The following FZD1 variants were observed in gnomAD, a reference collection of about 807,000 sequenced individuals.
FZD1 encodes the protein frizzled-1.
FZD1 carries 22 observed loss-of-function variants against 48.0 expected under a neutral mutation model. The observed-to-expected ratio is 0.46, with a 90% CI of 0.33 to 0.65. The LOEUF (loss-of-function observed/expected upper bound fraction) is 0.65. Among genes scored for constraint, FZD1 ranks in the 30% least tolerant of loss-of-function variants. The pLI is 0.02. For missense variants in FZD1, 843 were observed against 898.1 expected, an observed-to-expected ratio of 0.94 and a Z score of 0.78; for synonymous variants, 486 against 409.6, an observed-to-expected ratio of 1.19 and a Z score of -2.25.
Position 91,264,530 on chromosome 7 carries a change from G to A in FZD1, c.-351G>A, listed in dbSNP as rs1803832430. 1 of 338,562 alleles carries A rather than the reference G, an allele frequency of 3.0e-6. No individual in the cohort carries two copies. Among genetic ancestry groups the A allele is most frequent in the Non-Finnish European group, 5.4e-6 (1 of 186,726 alleles). 21.0% of individuals were successfully genotyped at this position (338,562 alleles called of 1,614,324 possible). A position where few individuals can be genotyped will look rare whatever the true frequency, so the allele number is the denominator to read the frequency against. On this transcript the variant is annotated 5_prime_UTR_variant, in exon 1 of 1. Transcript: ENST00000287934. ...CGGAGAAGGAGGCGGAGGCGCAGGG[G>A]GGAGCCGAGCCCGCTGGGCTGCGGA...
In FZD1 at chr7:91,266,651, C is replaced by T. The variant is rs779211016; in HGVS notation, c.1771C>T (p.Pro591Ser). The change falls in exon 1 of 1, where the codon CCG becomes TCG. Residue 591 changes from proline (P) to serine (S), a missense_variant. Physicochemically the swap from Pro to Ser is moderately conservative, Grantham distance 74 (BLOSUM62 -1). Coordinates refer to ENST00000287934, the MANE Select transcript of FZD1 (RefSeq NM_003505.2). The surrounding 1 kb of genome is among the most constrained non-coding windows in gnomAD (Gnocchi z 6.8). ...TCACCTCCAGGCGGGCGGAGGCGCC[C>T]CGCCGCACCCGCCCATGAGCCCGGA... is the stretch of plus-strand genomic sequence containing the variant. ...CPHLQAGGGAPPHPPMSPDFT... is the reference protein window; with the variant it reads ...CPHLQAGGGASPHPPMSPDFT... 2.5e-6 allele frequency: 4 copies of T among 1,612,826 alleles called. No individual in the cohort carries two copies. The highest frequency in any genetic ancestry group is 3.4e-6 in the Non-Finnish European group (4 of 1,179,772).
At position 91,266,009 on chromosome 7, in the gene FZD1, G is replaced by C. The variant is rs143614174; in HGVS notation, c.1129G>C (p.Asp377His). ...VAYIAGFLLE[D>H]RVVCNDKFAE... ...CTACATCGCCGGCTTCCTCCTGGAA[G>C]ACCGAGTGGTGTGTAATGACAAGTT... is the stretch of plus-strand genomic sequence containing the variant. Residue 377 changes from aspartate (D) to histidine (H), a missense_variant, in exon 1 of 1, where the codon GAC becomes CAC. Asp to His is a moderately conservative substitution (Grantham distance 81, BLOSUM62 -1). Around this residue, in one of 2 missense-constraint regions of FZD1, gnomAD observed 353 missense variants for 431.6 expected, o/e 0.82. Transcript: ENST00000287934. The surrounding 1 kb of genome is among the most constrained non-coding windows in gnomAD (Gnocchi z 6.8). The C allele has an allele frequency of 1.2e-6, 2 of 1,614,188 alleles. No individual in the cohort carries two copies. The highest frequency in any genetic ancestry group is 1.7e-5 in the Admixed American group (1 of 60,038).
At position 91,266,929 on chromosome 7, in the gene FZD1, C is replaced by A; in HGVS notation, c.*105C>A. 1.4e-6 allele frequency: 1 copy of A among 739,326 alleles called. No homozygotes were observed. Among genetic ancestry groups the A allele is most frequent in the Non-Finnish European group, 2.3e-6 (1 of 431,614 alleles). The allele number at this position is 739,326 out of a possible 1,614,324, so 45.8% of individuals were successfully genotyped here. A position where few individuals can be genotyped will look rare whatever the true frequency, so the allele number is the denominator to read the frequency against. On this transcript the variant is annotated 3_prime_UTR_variant, in exon 1 of 1. Transcript: ENST00000287934. The surrounding 1 kb of genome is among the most constrained non-coding windows in gnomAD (Gnocchi z 6.8). ...ATCCTGACATCTCGAGGTTTCCTCACTAGACAACTCTCTTTCGCAGGCTCC... is the reference window on the plus strand; with the variant it reads ...ATCCTGACATCTCGAGGTTTCCTCAATAGACAACTCTCTTTCGCAGGCTCC...
In FZD1 at chr7:91,270,686, T is replaced by A. The variant is rs1803954981; in HGVS notation, c.*3862T>A. On this transcript the variant is annotated 3_prime_UTR_variant, in exon 1 of 1. Coordinates refer to ENST00000287934, the MANE Select transcript of FZD1 (RefSeq NM_003505.2). ...GCATATTTACTGTGTGTGCTTTTGCTTTCTAATCCATCTATTGACTATTGG... is the reference window on the plus strand; with the variant it reads ...GCATATTTACTGTGTGTGCTTTTGCATTCTAATCCATCTATTGACTATTGG... 1 of 165,920 alleles carries A rather than the reference T, an allele frequency of 6.0e-6. No homozygotes were observed. The highest frequency in any genetic ancestry group is 1.5e-5 in the Non-Finnish European group (1 of 68,122). 10.3% of individuals were successfully genotyped at this position (165,920 alleles called of 1,614,324 possible). A position where few individuals can be genotyped will look rare whatever the true frequency, so the allele number is the denominator to read the frequency against.
Position 91,265,382 on chromosome 7 carries a change from T to A in FZD1, c.502T>A (p.Phe168Ile). 2 of 1,613,984 alleles carry A rather than the reference T, an allele frequency of 1.2e-6. No individual in the cohort carries two copies. The highest frequency in any genetic ancestry group is 1.7e-6 in the Non-Finnish European group (2 of 1,179,908). ...KVQCSAELKFFLCSMYAPVCT... is the reference protein window; with the variant it reads ...KVQCSAELKFILCSMYAPVCT... ...GCAGTGTTCCGCTGAGCTCAAGTTCTTCCTGTGCTCCATGTACGCGCCCGT... is the reference window on the plus strand; with the variant it reads ...GCAGTGTTCCGCTGAGCTCAAGTTCATCCTGTGCTCCATGTACGCGCCCGT... The change falls in exon 1 of 1, where the codon TTC (phenylalanine) becomes ATC (isoleucine). Residue 168 changes from phenylalanine (F) to isoleucine (I), a missense_variant. Physicochemically the swap from Phe to Ile is conservative, Grantham distance 21. Coordinates refer to ENST00000287934, the MANE Select transcript of FZD1 (RefSeq NM_003505.2). The surrounding 1 kb of genome is among the most constrained non-coding windows in gnomAD (Gnocchi z 6.9).
chr7:91,264,913 G>T lies in FZD1; in HGVS notation c.33G>T (p.Arg11=), dbSNP rs894252425. 1.5e-6 allele frequency: 2 copies of T among 1,329,178 alleles called. No individual in the cohort carries two copies. The highest frequency in any genetic ancestry group is 1.5e-5 in the African/African-American group (1 of 65,740). 82.3% of individuals were successfully genotyped at this position (1,329,178 alleles called of 1,614,324 possible). Reference sequence around the variant, plus strand: ...AGGAGGAGGCGCCTAAGAAGTCCCGGGCCGCCGGCGGTGGCGCGAGCTGGG... The same window carrying T: ...AGGAGGAGGCGCCTAAGAAGTCCCGTGCCGCCGGCGGTGGCGCGAGCTGGG... MAEEEAPKKS[R]AAGGGASWEL... Residue 11 remains arginine (R), a synonymous_variant, in exon 1 of 1, where the codon CGG becomes CGT. Coordinates refer to ENST00000287934, the MANE Select transcript of FZD1 (RefSeq NM_003505.2).
rs199856015 is a variant in FZD1 at position 91,265,674 on chromosome 7, G to T, written c.794G>T (p.Gly265Val). Residue 265 changes from glycine to valine, a missense_variant, in exon 1 of 1, where the codon GGC becomes GTC. By Grantham distance (109) the Gly-to-Val change is moderately radical. Transcript: ENST00000287934. The surrounding 1 kb of genome is among the most constrained non-coding windows in gnomAD (Gnocchi z 6.9). ...GGGHRGGFPG[G>V]AGASERGKFS... ...GGGCACCGTGGCGGCTTCCCGGGGG[G>T]CGCCGGCGCGTCGGAGCGAGGCAAG... The T allele has an allele frequency of 5.7e-4, 901 of 1,569,458 alleles. 2 individuals are homozygous for T. The highest frequency in any genetic ancestry group is 6.8e-4 in the Non-Finnish European group (788 of 1,160,508).
chr7:91,264,595 G>A lies in FZD1; in HGVS notation c.-286G>A. 1 of 373,538 alleles carries A rather than the reference G, an allele frequency of 2.7e-6. No homozygotes were observed. Among genetic ancestry groups the A allele is most frequent in the Non-Finnish European group, 4.8e-6 (1 of 209,872 alleles). 23.1% of individuals were successfully genotyped at this position (373,538 alleles called of 1,614,324 possible). A position where few individuals can be genotyped will look rare whatever the true frequency, so the allele number is the denominator to read the frequency against. ...ACGGGGCCGCGGCCACTAGCGCGGC[G>A]CCGCCAGCCGGGAGCCAGCGAGCCG... On this transcript the variant is annotated 5_prime_UTR_variant, in exon 1 of 1. Coordinates refer to ENST00000287934, the MANE Select transcript of FZD1 (RefSeq NM_003505.2).
rs1241647542 is a variant in FZD1, at chr7:91,264,955, G to T, written c.75G>T (p.Ala25=). The change falls in exon 1 of 1, where the codon GCG becomes GCT. Residue 25 remains alanine (A), a synonymous_variant. Transcript: ENST00000287934. ...GGASWELCAG[A]LSARLAEEGS... ...CGAGCTGGGAACTTTGTGCCGGGGC[G>T]CTCTCGGCCCGGCTGGCGGAGGAGG... 1.5e-6 allele frequency: 2 copies of T among 1,352,996 alleles called. No individual in the cohort carries two copies. Among genetic ancestry groups the T allele is most frequent in the Admixed American group, 3.7e-5 (1 of 26,862 alleles). 83.8% of individuals were successfully genotyped at this position (1,352,996 alleles called of 1,614,324 possible).
rs1803918280 is a variant in FZD1, at chr7:91,268,190, C to T, written c.*1366C>T. ...AAATGTAAAAGTTGTACACTTTCAACATTTTATTACGATTATTATTCAGCA... is the reference window on the plus strand; with the variant it reads ...AAATGTAAAAGTTGTACACTTTCAATATTTTATTACGATTATTATTCAGCA... On this transcript the variant is annotated 3_prime_UTR_variant, in exon 1 of 1. Transcript: ENST00000287934. The T allele has an allele frequency of 6.0e-6, 1 of 166,926 alleles. No homozygotes were observed. The highest frequency in any genetic ancestry group is 1.5e-5 in the Non-Finnish European group (1 of 68,116). 10.3% of individuals were successfully genotyped at this position (166,926 alleles called of 1,614,324 possible). A position where few individuals can be genotyped will look rare whatever the true frequency, so the allele number is the denominator to read the frequency against.
rs1352866231 is a variant in FZD1, at chr7:91,266,797, C to G, written c.1917C>G (p.Asn639Lys). 6.2e-7 allele frequency: 1 copy of G among 1,602,584 alleles called. No homozygotes were observed. The highest frequency in any genetic ancestry group is 1.1e-5 in the South Asian group (1 of 89,428). ...SWRKFYTRLT[N>K]SKQGETTV The stretch of plus-strand genomic sequence containing the variant: ...GGAAGTTCTACACGAGGCTCACCAA[C>G]AGCAAACAAGGGGAGACTACAGTCT... The change falls in exon 1 of 1, where the codon AAC becomes AAG. Residue 639 changes from asparagine (N) to lysine (K), a missense_variant. By Grantham distance (94) the Asn-to-Lys change is moderately conservative. Coordinates refer to ENST00000287934, the MANE Select transcript of FZD1 (RefSeq NM_003505.2). This position sits in a 1 kb window ranked among gnomAD's most constrained non-coding sequence, Gnocchi z 6.8.
Position 91,266,375 on chromosome 7 carries a change from C to G in FZD1, c.1495C>G (p.Leu499Val). Residue 499 changes from leucine (L) to valine (V), a missense_variant, in exon 1 of 1, where the codon CTG (leucine) becomes GTG (valine). Physicochemically the swap from Leu to Val is conservative, Grantham distance 32 (BLOSUM62 1). This residue lies in a region of FZD1 where 353 missense variants were observed against 431.6 expected (regional missense o/e 0.82). Coordinates refer to ENST00000287934, the MANE Select transcript of FZD1 (RefSeq NM_003505.2). This position sits in a 1 kb window ranked among gnomAD's most constrained non-coding sequence, Gnocchi z 6.8. ...CGTGCTGGCGCCCCTCTTCGTGTAC[C>G]TGTTTATCGGCACGTCCTTTCTGCT... ...GFVLAPLFVY[L>V]FIGTSFLLAG... 6.2e-7 allele frequency: 1 copy of G among 1,614,172 alleles called. No individual in the cohort carries two copies. Among genetic ancestry groups the G allele is most frequent in the Non-Finnish European group, 8.5e-7 (1 of 1,180,032 alleles).
At position 91,270,038 on chromosome 7, in the gene FZD1, C is replaced by T. The variant is rs921003574; in HGVS notation, c.*3214C>T. ...CTAAATGATGATGCATATAGAAAAC[C>T]AGTGTATTCTTTTATTTCTTTTAAT... On this transcript the variant is annotated 3_prime_UTR_variant, in exon 1 of 1. Coordinates refer to ENST00000287934, the MANE Select transcript of FZD1 (RefSeq NM_003505.2). 6.0e-6 allele frequency: 1 copy of T among 166,926 alleles called. No homozygotes were observed. Among genetic ancestry groups the T allele is most frequent in the African/African-American group, 2.4e-5 (1 of 41,410 alleles). 10.3% of individuals were successfully genotyped at this position (166,926 alleles called of 1,614,324 possible). A position where few individuals can be genotyped will look rare whatever the true frequency, so the allele number is the denominator to read the frequency against.
rs1222734623 is a variant in FZD1 at position 91,266,417 on chromosome 7, C to T, written c.1537C>T (p.Leu513Phe). The change falls in exon 1 of 1, where the codon CTC becomes TTC. Residue 513 changes from leucine to phenylalanine, a missense_variant. Around this residue, in one of 2 missense-constraint regions of FZD1, gnomAD observed 353 missense variants for 431.6 expected, o/e 0.82. Transcript: ENST00000287934. The surrounding 1 kb of genome is among the most constrained non-coding windows in gnomAD (Gnocchi z 6.8). ...TSFLLAGFVSLFRIRTIMKHD... is the reference protein window; with the variant it reads ...TSFLLAGFVSFFRIRTIMKHD... ...CTTTCTGCTGGCCGGCTTTGTGTCGCTCTTCCGCATCCGCACCATCATGAA... is the reference window on the plus strand; with the variant it reads ...CTTTCTGCTGGCCGGCTTTGTGTCGTTCTTCCGCATCCGCACCATCATGAA... The T allele has an allele frequency of 3.6e-5, 58 of 1,614,088 alleles. No individual in the cohort carries two copies. Among genetic ancestry groups the T allele is most frequent in the Non-Finnish European group, 4.6e-5 (54 of 1,180,046 alleles).
chr7:91,265,573 C>A lies in FZD1; in HGVS notation c.693C>A (p.Asn231Lys). 6.2e-7 allele frequency: 1 copy of A among 1,610,128 alleles called. No homozygotes were observed. Among genetic ancestry groups the A allele is most frequent in the Non-Finnish European group, 8.5e-7 (1 of 1,179,550 alleles). ...HGAGELCVGQNTSDKGTPTPS... is the reference protein window; with the variant it reads ...HGAGELCVGQKTSDKGTPTPS... ...CCGGCGAGCTGTGCGTGGGCCAGAA[C>A]ACGTCCGACAAGGGCACCCCGACGC... is the stretch of plus-strand genomic sequence containing the variant. The change falls in exon 1 of 1, where the codon AAC becomes AAA. Residue 231 changes from asparagine (N) to lysine (K), a missense_variant. This residue lies in a region of FZD1 where 490 missense variants were observed against 466.5 expected (regional missense o/e 1.05). Transcript: ENST00000287934. This position sits in a 1 kb window ranked among gnomAD's most constrained non-coding sequence, Gnocchi z 6.9.
Position 91,269,019 on chromosome 7 carries a change from T to C in FZD1, c.*2195T>C. ...CTCTAATTTTAATATTAAAGCTTTC[T>C]TTTCTTTCAGGGAATAAATTTACAT... is the stretch of plus-strand genomic sequence containing the variant. On this transcript the variant is annotated 3_prime_UTR_variant, in exon 1 of 1. Transcript: ENST00000287934. 6.0e-6 allele frequency: 1 copy of C among 166,448 alleles called. No individual in the cohort carries two copies. The highest frequency in any genetic ancestry group is 1.9e-4 in the East Asian group (1 of 5,204). 10.3% of individuals were successfully genotyped at this position (166,448 alleles called of 1,614,324 possible).
rs968832308 is a variant in FZD1, at chr7:91,270,562, A to AATT, written c.*3740_*3741insTAT. The AATT allele has an allele frequency of 3.4e-4, 57 of 167,216 alleles. No homozygotes were observed. Among genetic ancestry groups the AATT allele is most frequent in the African/African-American group, 1.3e-3 (54 of 41,574 alleles). 10.4% of individuals were successfully genotyped at this position (167,216 alleles called of 1,614,324 possible). ...GAAGAGTTGGTGGCCAATTAAGAAA[A>AATT]ATAATAGACTACATCATAAATCATT... is the stretch of plus-strand genomic sequence containing the variant. On this transcript the variant is annotated 3_prime_UTR_variant, in exon 1 of 1. Transcript: ENST00000287934.
Position 91,265,838 on chromosome 7 carries a change from C to A in FZD1, c.958C>A (p.Arg320Ser). Residue 320 changes from arginine (R) to serine (S), a missense_variant, in exon 1 of 1, where the codon CGC (arginine) becomes AGC (serine). Physicochemically the swap from Arg to Ser is moderately radical, Grantham distance 110. Transcript: ENST00000287934. The surrounding 1 kb of genome is among the most constrained non-coding windows in gnomAD (Gnocchi z 6.9). ...CGGGCCCGAGGAGCTGCGCTTCTCG[C>A]GCACCTGGATTGGCATTTGGTCAGT... The part of the protein sequence containing the change: ...YFGPEELRFS[R>S]TWIGIWSVLC... The A allele has an allele frequency of 6.2e-7, 1 of 1,613,696 alleles. No homozygotes were observed. Among genetic ancestry groups the A allele is most frequent in the Non-Finnish European group, 8.5e-7 (1 of 1,179,584 alleles).
rs2116134253 is a variant in FZD1 at position 91,266,245 on chromosome 7, G to A, written c.1365G>A (p.Pro455=). The A allele has an allele frequency of 6.2e-7, 1 of 1,614,110 alleles. No individual in the cohort carries two copies. The highest frequency in any genetic ancestry group is 8.5e-7 in the Non-Finnish European group (1 of 1,180,016). ...QYFHLAAWAV[P]AIKTITILAL... Reference sequence around the variant, plus strand: ...TTCACCTGGCCGCCTGGGCTGTGCCGGCCATCAAGACCATCACCATCCTGG... The same window carrying A: ...TTCACCTGGCCGCCTGGGCTGTGCCAGCCATCAAGACCATCACCATCCTGG... The change falls in exon 1 of 1, where the codon CCG becomes CCA. Residue 455 remains proline (P), a synonymous_variant. Coordinates refer to ENST00000287934, the MANE Select transcript of FZD1 (RefSeq NM_003505.2). This position sits in a 1 kb window ranked among gnomAD's most constrained non-coding sequence, Gnocchi z 6.8.
Sources: gnomAD v4.1 joint callset for allele counts on GRCh38, gnomAD v4.1.1 for gene constraint, gnomAD v4.1.1 regional missense constraint, Gnocchi (gnomAD v3.1) non-coding constraint, MANE v1.5 for transcripts, NCBI Gene and HGNC (gene_info 2026-07-23, HGNC 2026-07-21) for gene names.